The following PDE11A variants were observed in gnomAD, a reference collection of about 807,000 sequenced individuals.
PDE11A encodes the protein phosphodiesterase 11A, also known as dual 3',5'-cyclic-AMP and -GMP phosphodiesterase 11A.
Under a neutral mutation model 100.5 loss-of-function variants are expected in PDE11A, and 100 were observed. That is an observed-to-expected ratio of 1.00 (90% CI 0.85 to 1.18). PDE11A has a LOEUF of 1.18. PDE11A is among the 50% of genes most tolerant of loss of function. PDE11A has a pLI of 0.00. For synonymous variants in PDE11A, 381 were observed against 420.8 expected (o/e 0.91, Z 1.16); for missense variants, 1,141 against 1,152.6 (o/e 0.99, Z 0.15).
intron 15 of PDE11A, among the ~76,000 whole-genome samples, chr2:177,695,744 G>A (rs1418274259): frequency 6.6e-6 from 1 of 152,098 alleles, no homozygotes; most frequent in Admixed American, 6.5e-5. Flanking sequence ...GGACTTCCTG[G>A]GTGCTAAGCA....
chr2:177,690,976 G>T (rs2081032870), intron 15 of PDE11A, among the ~76,000 whole-genome samples: 1 of 152,154 alleles, frequency 6.6e-6, no homozygotes, highest in Non-Finnish European at 1.5e-5. Context: ...TGATAATTCA[G>T]TATCAAAAAG....
chr2:178,018,547 C>T (rs2086368827), intron 1 of PDE11A: 2 of 380,924 alleles, frequency 5.3e-6, no homozygotes, highest in Admixed American at 6.4e-5. Flanking sequence ...CCATGCCATT[C>T]CACTAACAAT....
intron 6 of PDE11A, among the ~76,000 whole-genome samples, chr2:177,832,592 T>TCTAC (rs1465805459): frequency 1.3e-5 from 2 of 151,360 alleles, no homozygotes. Context: ...TATCTATCTA[T>TCTAC]CTATCTATCT....
intron 1 of PDE11A, among the ~76,000 whole-genome samples, chr2:178,023,688 T>A (rs1574348948): frequency 1.3e-5 from 2 of 152,222 alleles, no homozygotes; most frequent in East Asian, 3.8e-4. Context: ...CATGATGTAA[T>A]TATGTTTCCT....
intron 2 of PDE11A, among the ~76,000 whole-genome samples, chr2:178,090,924 C>G (rs1400444728): frequency 6.6e-6 from 1 of 152,182 alleles, no homozygotes; most frequent in Non-Finnish European, 1.5e-5. Flanking sequence ...AGCGCATTCT[C>G]CCCGACTTAC....
chr2:177,749,552 C>T (rs1450434046), intron 10 of PDE11A, among the ~76,000 whole-genome samples: 3 of 151,948 alleles, frequency 2.0e-5, no homozygotes, highest in Non-Finnish European at 2.9e-5. Context: ...GTTTGCTTTG[C>T]TATTTTCTAT....
chr2:177,993,418 AT>A (rs1220985755), intron 2 of PDE11A, among the ~76,000 whole-genome samples: 6 of 152,144 alleles, frequency 3.9e-5, no homozygotes, highest in Admixed American at 2.6e-4. Flanking sequence ...GAATAAAGTA[AT>A]TTTTAAAGTC....
intron 6 of PDE11A, among the ~76,000 whole-genome samples, chr2:177,826,551 C>A (rs182926225): frequency 6.6e-6 from 1 of 152,320 alleles, no homozygotes; most frequent in East Asian, 1.9e-4. Context: ...CTTACCTGCA[C>A]ATAGGATAAA....
At chr2:178,104,381 A>G (rs2087594385) in exon 2 of PDE11A, 8 of 1,614,028 alleles carry the variant, frequency 5.0e-6, no homozygotes, top group Non-Finnish European at 5.1e-6. Context: ...AGAGATTTGG[A>G]CCAGTCTTGT....
intron 2 of PDE11A, among the ~76,000 whole-genome samples, chr2:177,932,954 ATT>A (rs2085226152): frequency 6.6e-6 from 1 of 152,190 alleles, no homozygotes; most frequent in Admixed American, 6.5e-5. Flanking sequence ...AGAACTGATA[ATT>A]TTAGCAAGGT....
At chr2:177,922,246 A>T (rs958109222) in intron 2 of PDE11A, among the ~76,000 whole-genome samples, 1 of 152,094 alleles carries the variant, frequency 6.6e-6, no homozygotes, top group Admixed American at 6.6e-5. Flanking sequence ...ATCTGTGTGT[A>T]TCCAACAGCT....
At chr2:177,986,755 C>T (rs13395159) in intron 2 of PDE11A, among the ~76,000 whole-genome samples, 9,482 of 150,526 alleles carry the variant, frequency 0.063, 307 homozygotes, top group South Asian at 0.094. Flanking sequence ...CGCTTGAACA[C>T]GGGAGGCAGA....
intron 9 of PDE11A, among the ~76,000 whole-genome samples, chr2:177,776,108 C>A (rs2082373778): frequency 6.6e-6 from 1 of 151,952 alleles, no homozygotes; most frequent in South Asian, 2.1e-4. Flanking sequence ...GTATTTTTTT[C>A]AATGAAATCA....
At chr2:177,859,718 C>CA (rs1415965495) in intron 5 of PDE11A, among the ~76,000 whole-genome samples, 6 of 150,216 alleles carry the variant, frequency 4.0e-5, no homozygotes, top group African/African-American at 1.5e-4. Context: ...TACTTTAGGT[C>CA]AAAAAACAAG....
At chr2:177,953,881 TAA>T (rs1466380998) in intron 2 of PDE11A, among the ~76,000 whole-genome samples, 1 of 152,082 alleles carries the variant, frequency 6.6e-6, no homozygotes, top group African/African-American at 2.4e-5. Context: ...GTTCGCAAAC[TAA>T]GGTTATTTTT....
chr2:177,701,844 C>A (rs1048107651), intron 13 of PDE11A, among the ~76,000 whole-genome samples: 1 of 152,184 alleles, frequency 6.6e-6, no homozygotes, highest in Non-Finnish European at 1.5e-5. Context: ...CAGTGTGGAA[C>A]TCTGAAAAGT....
chr2:177,822,425 C>T (rs1418519677), intron 6 of PDE11A, among the ~76,000 whole-genome samples: 1 of 151,938 alleles, frequency 6.6e-6, no homozygotes, highest in Non-Finnish European at 1.5e-5. Flanking sequence ...TGTTTCTGGA[C>T]TCTCTATTCT....
intron 5 of PDE11A, among the ~76,000 whole-genome samples, chr2:177,854,475 T>C (rs1866213): frequency 0.21 from 31,857 of 151,970 alleles, 3,509 homozygotes; most frequent in Middle Eastern, 0.26. Context: ...ATTAATATCA[T>C]GCAAATGGGG....
chr2:177,887,684 G>A (rs753445672), intron 4 of PDE11A, among the ~76,000 whole-genome samples: 4 of 152,094 alleles, frequency 2.6e-5, no homozygotes, highest in African/African-American at 7.2e-5. Context: ...AGCCTGGGAC[G>A]TCAAGGCTGC....
Sources: allele counts gnomAD v4.1 joint callset (sites outside exome capture counted in the v4.1 genomes callset), GRCh38; gene constraint gnomAD v4.1.1; transcripts MANE v1.5; gene names NCBI Gene and HGNC (gene_info 2026-07-23, HGNC 2026-07-21).